The following TNXB variants were observed in gnomAD, a reference collection of about 807,000 sequenced individuals.
TNXB encodes tenascin-X.
In TNXB, 183 loss-of-function variants were observed where a neutral mutation model predicts 340.5. That is an observed-to-expected ratio of 0.54 (90% CI 0.48 to 0.61). The LOEUF is 0.61. Ranked by LOEUF, TNXB falls within the 20% of genes least tolerant of loss-of-function variation. The probability of loss-of-function intolerance (pLI) is 0.00; values close to 1 mark genes in which losing one functional copy is unlikely to be tolerated. For missense variants in TNXB, 4,613 were observed against 5,446.4 expected (o/e 0.85, Z 4.82); for synonymous variants, 2,121 against 2,314.5 (o/e 0.92, Z 2.40).
chr6:32,059,649 C>T (rs1777893162), intron 21 of TNXB, among the ~76,000 whole-genome samples: 1 of 151,850 alleles, frequency 6.6e-6, no homozygotes, highest in African/African-American at 2.4e-5. Flanking sequence ...TTCTAATGTT[C>T]ATTTTCCAAT....
intron 29 of TNXB, 117 bp from the exon 30 acceptor site, chr6:32,048,129 G>T: frequency 7.6e-7 from 1 of 1,319,352 alleles, no homozygotes; most frequent in Non-Finnish European, 1.0e-6. Context: ...ACTGGGCCAG[G>T]AGTAGGAATA....
intron 1 of TNXB, among the ~76,000 whole-genome samples, chr6:32,101,475 G>C (rs1582489269): frequency 6.6e-6 from 1 of 152,004 alleles, no homozygotes; most frequent in Non-Finnish European, 1.5e-5. Context: ...ATTTTTAGTA[G>C]AGATGAGGTT....
rs1777816804 is a variant in TNXB, at chr6:32,058,454, T to C, written c.7493-64A>G. 1.5e-6 allele frequency: 2 copies of C among 1,364,156 alleles called. No homozygotes were observed. The highest frequency in any genetic ancestry group is 9.9e-7 in the Non-Finnish European group (1 of 1,011,026). The allele number at this position is 1,364,156 out of a possible 1,614,324, so 84.5% of individuals were successfully genotyped here. On this transcript the variant is annotated intron_variant, in intron 21 of 43. Coordinates refer to ENST00000644971, the MANE Select transcript of TNXB (RefSeq NM_001365276.2). This position sits in a 1 kb window ranked among gnomAD's most constrained non-coding sequence, Gnocchi z 5.1. ...TAAGGGCAACTTGCTTTGCTGGTGC[T>C]GTCAACAGAGGTCATACATCAAATG...
Position 32,044,001 on chromosome 6 carries a change from C to T in TNXB, c.11386+6G>A. 3 of 1,599,256 alleles carry T rather than the reference C, an allele frequency of 1.9e-6. No individual in the cohort carries two copies. The highest frequency in any genetic ancestry group is 1.7e-6 in the Non-Finnish European group (2 of 1,173,650). On this transcript the variant is annotated splice_donor_region_variant and intron_variant, in intron 34 of 43. Transcript: ENST00000644971. Reference sequence around the variant, plus strand: ...CGAGGCGATGAGCACATGGCAAAGGCACCACCTCCGTCCGCCAGCTGGTAG... The same window carrying T: ...CGAGGCGATGAGCACATGGCAAAGGTACCACCTCCGTCCGCCAGCTGGTAG...
chr6:32,048,234 G>C, intron 29 of TNXB, 129 bp downstream of exon 29: 2 of 1,139,472 alleles, frequency 1.8e-6, no homozygotes, highest in South Asian at 1.8e-5. Context: ...CTCAGGGCCT[G>C]GGTTTTCCTG....
Position 32,097,918 on chromosome 6 carries a change from G to A in TNXB, c.281C>T (p.Pro94Leu). The change falls in exon 2 of 44, where the codon CCA becomes CTA. Residue 94 changes from proline (P) to leucine (L), a missense_variant. By Grantham distance (98) the Pro-to-Leu change is moderately conservative (BLOSUM62 -3). Coordinates refer to ENST00000644971, the MANE Select transcript of TNXB (RefSeq NM_001365276.2). This position sits in a 1 kb window ranked among gnomAD's most constrained non-coding sequence, Gnocchi z 5.9. ...GCGCPPGTEPPVLASEVQALR... is the reference protein window; with the variant it reads ...GCGCPPGTEPLVLASEVQALR... ...GGCCTGTACCTCTGAAGCAAGGACT[G>A]GGGGCTCGGTGCCTGGGGGACAGCC... 6.3e-7 allele frequency: 1 copy of A among 1,590,206 alleles called. No homozygotes were observed. The highest frequency in any genetic ancestry group is 8.6e-7 in the Non-Finnish European group (1 of 1,164,292).
At chr6:32,100,275 T>C (rs1291914934) in intron 1 of TNXB, among the ~76,000 whole-genome samples, 8 of 152,116 alleles carry the variant, frequency 5.3e-5, no homozygotes, top group Non-Finnish European at 2.9e-5. Context: ...CAGCTATTTT[T>C]TGTATTTTTA....
Position 32,073,658 on chromosome 6 carries a change from A to G in TNXB, c.4670T>C (p.Val1557Ala), listed in dbSNP as rs771942722. Residue 1557 changes from valine to alanine, a missense_variant, in exon 12 of 44, where the codon GTC becomes GCC. Val to Ala is a moderately conservative substitution (Grantham distance 64). Coordinates refer to ENST00000644971, the MANE Select transcript of TNXB (RefSeq NM_001365276.2). This position sits in a 1 kb window ranked among gnomAD's most constrained non-coding sequence, Gnocchi z 4.6. ...CCCCCATTACTCACCCGTCACGATG[A>G]CCACAGACAGGGGGCCCATGCGTTG... ...DGQRMGPLSV[V>A]IVTAPLPPAP... 5.0e-6 allele frequency: 8 copies of G among 1,606,716 alleles called. No homozygotes were observed. The East Asian group carries it at 1.8e-4, about 36-fold the overall frequency.
rs1780485830 is a variant in TNXB at position 32,097,586 on chromosome 6, T to C, written c.404-137A>G. The C allele has an allele frequency of 1.7e-6, 2 of 1,192,304 alleles. No homozygotes were observed. The highest frequency in any genetic ancestry group is 1.5e-5 in the African/African-American group (1 of 65,200). 73.9% of individuals were successfully genotyped at this position (1,192,304 alleles called of 1,614,324 possible). A position where few individuals can be genotyped will look rare whatever the true frequency, so the allele number is the denominator to read the frequency against. ...CCATGTCTGCTCCCAGTTGCTAGTATGTGTAATGTATGCAGCCTCTCAGGG... is the reference window on the plus strand; with the variant it reads ...CCATGTCTGCTCCCAGTTGCTAGTACGTGTAATGTATGCAGCCTCTCAGGG... On this transcript the variant is annotated intron_variant, in intron 2 of 43. Transcript: ENST00000644971. The surrounding 1 kb of genome is among the most constrained non-coding windows in gnomAD (Gnocchi z 5.9).
intron 1 of TNXB, among the ~76,000 whole-genome samples, 166 bp downstream of exon 1, chr6:32,109,015 G>A (rs1009033040): frequency 2.0e-5 from 3 of 152,150 alleles, no homozygotes; most frequent in African/African-American, 4.8e-5. Flanking sequence ...CCTTCACAGG[G>A]AGCCTGGTTC....
rs1777829747 is a variant in TNXB, at chr6:32,058,611, T to C, written c.7493-221A>G. On this transcript the variant is annotated intron_variant, in intron 21 of 43. Coordinates refer to ENST00000644971, the MANE Select transcript of TNXB (RefSeq NM_001365276.2). This position sits in a 1 kb window ranked among gnomAD's most constrained non-coding sequence, Gnocchi z 5.1. Reference sequence around the variant, plus strand: ...TGGCAGAGCTGCACTGTTAGAAACCTCCAGAAGGCAACTGAGACATAGTGT... The same window carrying C: ...TGGCAGAGCTGCACTGTTAGAAACCCCCAGAAGGCAACTGAGACATAGTGT... Among the ~76,000 whole-genome samples the C allele has an allele frequency of 6.6e-6, 1 of 151,760 alleles. No homozygotes were observed. The highest frequency in any genetic ancestry group is 2.1e-4 in the South Asian group (1 of 4,822).
At chr6:32,100,394 T>G (rs1780656036) in intron 1 of TNXB, among the ~76,000 whole-genome samples, 1 of 152,130 alleles carries the variant, frequency 6.6e-6, no homozygotes. Context: ...CTTGAGTCAC[T>G]GCACCCAGCC....
intron 4 of TNXB, among the ~76,000 whole-genome samples, chr6:32,094,063 G>A (rs937908073): frequency 7.8e-5 from 10 of 127,920 alleles, no homozygotes; most frequent in Non-Finnish European, 1.2e-4. Context: ...CACTGCACTC[G>A]AGCCTGGGCC....
At chr6:32,071,901 G>T in intron 13 of TNXB, 89 bp downstream of exon 13, 2 of 1,192,814 alleles carry the variant, frequency 1.7e-6, no homozygotes, top group Middle Eastern at 2.0e-4. Context: ...GACAGAGCAG[G>T]TGGACAAAGG....
Position 32,087,810 on chromosome 6 carries a change from G to A in TNXB, c.2779+975C>T, listed in dbSNP as rs1466006473. The A allele has an allele frequency of 2.0e-6, 1 of 508,746 alleles. No individual in the cohort carries two copies. The highest frequency in any genetic ancestry group is 1.4e-5 in the South Asian group (1 of 70,454). The allele number at this position is 508,746 out of a possible 1,614,324, so 31.5% of individuals were successfully genotyped here. A position where few individuals can be genotyped will look rare whatever the true frequency, so the allele number is the denominator to read the frequency against. Reference sequence around the variant, plus strand: ...AACGGCTCAGCTCGGCCGTCAGGTTGCCCCAAGGCCGCCGTGGGGGCTGGG... The same window carrying A: ...AACGGCTCAGCTCGGCCGTCAGGTTACCCCAAGGCCGCCGTGGGGGCTGGG... On this transcript the variant is annotated intron_variant, in intron 6 of 43. Transcript: ENST00000644971. The surrounding 1 kb of genome is among the most constrained non-coding windows in gnomAD (Gnocchi z 9.0).
chr6:32,049,345 G>A lies in TNXB; in HGVS notation c.9682C>T (p.Arg3228Cys), dbSNP rs1472848236. Residue 3228 changes from arginine (R) to cysteine (C), a missense_variant, in exon 28 of 44, where the codon CGC becomes TGC. Arg to Cys is a radical substitution (Grantham distance 180). Transcript: ENST00000644971. This position sits in a 1 kb window ranked among gnomAD's most constrained non-coding sequence, Gnocchi z 4.5. ...CCGTACAGATGCATCTTGTATTTGC[G>A]CCCGGGCTCCAGGCCCCCCACGGTG... ...EVTVGGLEPG[R>C]KYKMHLYGLH... 9.3e-6 allele frequency: 15 copies of A among 1,612,344 alleles called. No individual in the cohort carries two copies. Among genetic ancestry groups the A allele is most frequent in the East Asian group, 6.7e-5 (3 of 44,896 alleles).
In TNXB at chr6:32,051,189, C is replaced by G. The variant is rs1319921054; in HGVS notation, c.9116-868G>C. On this transcript the variant is annotated intron_variant, in intron 26 of 43. Transcript: ENST00000644971. The surrounding 1 kb of genome is among the most constrained non-coding windows in gnomAD (Gnocchi z 4.7). ...AGGCCTGCCTGGCCTCAGATCCTGACTGTCCCCTGAGTATCCACAGGTAGG... is the reference window on the plus strand; with the variant it reads ...AGGCCTGCCTGGCCTCAGATCCTGAGTGTCCCCTGAGTATCCACAGGTAGG... Among the ~76,000 whole-genome samples, 1 of 152,236 alleles carries G rather than the reference C, an allele frequency of 6.6e-6. No individual in the cohort carries two copies. The highest frequency in any genetic ancestry group is 1.5e-5 in the Non-Finnish European group (1 of 68,038).
Position 32,046,556 on chromosome 6 carries a change from A to C in TNXB, c.10325-100T>G, listed in dbSNP as rs1261529572. The C allele has an allele frequency of 9.1e-7, 1 of 1,104,490 alleles. No homozygotes were observed. The allele number at this position is 1,104,490 out of a possible 1,614,324, so 68.4% of individuals were successfully genotyped here. ...TGAGGTTCTGGGAAATGGTCCCTCC[A>C]GTGTAGCCCCAGGGACAGCTCCTTG... On this transcript the variant is annotated intron_variant, in intron 30 of 43. Transcript: ENST00000644971. The surrounding 1 kb of genome is among the most constrained non-coding windows in gnomAD (Gnocchi z 6.9).
rs1260438963 is a variant in TNXB, at chr6:32,051,945, G to A, written c.9115+725C>T. Among the ~76,000 whole-genome samples, 2 of 152,210 alleles carry A rather than the reference G, an allele frequency of 1.3e-5. No homozygotes were observed. Among genetic ancestry groups the A allele is most frequent in the African/African-American group, 2.4e-5 (1 of 41,436 alleles). ...GGGCAAGGGGAGAATGGGAGTTCGT[G>A]TCTAGTGGGTAGGAAGTTTCAGTGT... On this transcript the variant is annotated intron_variant, in intron 26 of 43. Transcript: ENST00000644971. The surrounding 1 kb of genome is among the most constrained non-coding windows in gnomAD (Gnocchi z 4.7).
Sources: gnomAD v4.1 joint callset for allele counts (sites outside exome capture counted in the v4.1 genomes callset) on GRCh38, gnomAD v4.1.1 for gene constraint, Gnocchi (gnomAD v3.1) non-coding constraint, MANE v1.5 for transcripts, NCBI Gene and HGNC (gene_info 2026-07-23, HGNC 2026-07-21) for gene names.